The following PITPNA variants were observed in gnomAD, a reference collection of about 807,000 sequenced individuals.
PITPNA encodes the protein phosphatidylinositol transfer protein alpha isoform.
In PITPNA, 13 loss-of-function variants were observed where a neutral mutation model predicts 50.3. The ratio of observed to expected loss-of-function variants is 0.26; its 90% CI spans 0.17 to 0.41. The LOEUF (loss-of-function observed/expected upper bound fraction) is 0.41, where lower values mean the gene tolerates loss of function less well. Ranked by LOEUF, PITPNA falls within the 10% of genes least tolerant of loss-of-function variation. The pLI, the probability that PITPNA is intolerant of heterozygous loss-of-function variation, is 1.00. For missense variants in PITPNA, 207 were observed against 333.4 expected, an observed-to-expected ratio of 0.62 and a Z score of 2.95; for synonymous variants, 120 against 119.6, an observed-to-expected ratio of 1.00 and a Z score of -0.02.
At position 1,524,030 on chromosome 17, in the gene PITPNA, GT is replaced by G. The variant is rs943209134; in HGVS notation, c.769-2386del. On this transcript the variant is annotated intron_variant, in intron 10 of 11. Coordinates refer to ENST00000313486, the MANE Select transcript of PITPNA (RefSeq NM_006224.4). ...TTACTGCAATGCTCTCTAAGCCTCA[GT>G]TTTTTTCTTTTTTCTTTTTTTTTTT... Among the ~76,000 whole-genome samples the G allele has an allele frequency of 3.5e-5, 5 of 141,448 alleles. No individual in the cohort carries two copies. The East Asian group carries it at 1.1e-3, about 30-fold the overall frequency. The allele number at this position is 141,448 out of a possible 152,430, so 92.8% of individuals were successfully genotyped here.
intron 7 of PITPNA, among the ~76,000 whole-genome samples, chr17:1,536,895 T>A (rs2075621099): frequency 1.7e-5 from 1 of 59,082 alleles, no homozygotes; most frequent in South Asian, 3.4e-4. Context: ...GTCCGGCCGA[T>A]TTTTTTTTTT....
At position 1,517,856 on chromosome 17, in the gene PITPNA, C is replaced by G. The variant is rs763570714; in HGVS notation, c.*2705G>C. 37 of 152,498 alleles carry G rather than the reference C, an allele frequency of 2.4e-4. No homozygotes were observed. Among genetic ancestry groups the G allele is most frequent in the Non-Finnish European group, 1.8e-4 (12 of 68,000 alleles). The allele number at this position is 152,498 out of a possible 1,614,324, so 9.4% of individuals were successfully genotyped here. On this transcript the variant is annotated 3_prime_UTR_variant, in exon 12 of 12. Coordinates refer to ENST00000313486, the MANE Select transcript of PITPNA (RefSeq NM_006224.4). ...ACACGGGACTATTATATGCAGAAAT[C>G]CACGTGCAAAAATTTTCAGACACAC...
chr17:1,525,890 T>C (rs2075544841), intron 10 of PITPNA, among the ~76,000 whole-genome samples: 1 of 152,202 alleles, frequency 6.6e-6, no homozygotes, highest in Admixed American at 6.5e-5. Flanking sequence ...GAACATGATA[T>C]ATGACGCAGA....
At chr17:1,552,753 C>T (rs896235678) in intron 3 of PITPNA, among the ~76,000 whole-genome samples, 8 of 152,170 alleles carry the variant, frequency 5.3e-5, no homozygotes, top group African/African-American at 1.4e-4. Context: ...GTGAATCCTA[C>T]ACGGACTTCA....
chr17:1,537,150 G>A (rs571075767), intron 7 of PITPNA, among the ~76,000 whole-genome samples: 2 of 151,002 alleles, frequency 1.3e-5, no homozygotes, highest in Admixed American at 6.6e-5. Context: ...TGCAACCTCC[G>A]CCTCCTGGGT....
At chr17:1,524,822 C>T (rs1248389017) in intron 10 of PITPNA, among the ~76,000 whole-genome samples, 1 of 151,254 alleles carries the variant, frequency 6.6e-6, no homozygotes, top group African/African-American at 2.4e-5. Flanking sequence ...GCACTCCAGC[C>T]TGGGCGACAG....
intron 10 of PITPNA, among the ~76,000 whole-genome samples, chr17:1,524,303 C>G (rs1471130862): frequency 1.3e-5 from 2 of 149,938 alleles, no homozygotes; most frequent in Admixed American, 1.3e-4. Flanking sequence ...CTTGGCCTCC[C>G]AAAGTGCTGG....
At chr17:1,559,608 T>C (rs764219350) in intron 1 of PITPNA, 2 of 180,482 alleles carry the variant, frequency 1.1e-5, no homozygotes, top group African/African-American at 2.4e-5. Flanking sequence ...AGTGAAGCAT[T>C]AGGGAAGCAT....
intron 7 of PITPNA, among the ~76,000 whole-genome samples, chr17:1,538,077 G>A (rs1170474485): frequency 1.3e-5 from 2 of 152,204 alleles, no homozygotes; most frequent in African/African-American, 2.4e-5. Context: ...TGGAACTACA[G>A]GCGTGAGCCA....
At chr17:1,553,394 G>T (rs533195947) in intron 2 of PITPNA, among the ~76,000 whole-genome samples, 1 of 152,160 alleles carries the variant, frequency 6.6e-6, no homozygotes, top group African/African-American at 2.4e-5. Flanking sequence ...ACCCATCAGG[G>T]TTTATTTTTA....
In PITPNA at chr17:1,562,760, G is replaced by C. The variant is rs1367473017; in HGVS notation, c.-200C>G. On this transcript the variant is annotated 5_prime_UTR_variant, in exon 1 of 12. Transcript: ENST00000313486. This position sits in a 1 kb window ranked among gnomAD's most constrained non-coding sequence, Gnocchi z 6.4. ...CGTCGCCTCTCGCGCCGCTGCCGAC[G>C]CCGCCCGGAGCTCCGGTTCCGCAGC... 6.0e-6 allele frequency: 1 copy of C among 166,796 alleles called. No homozygotes were observed. Among genetic ancestry groups the C allele is most frequent in the Admixed American group, 6.5e-5 (1 of 15,356 alleles). The allele number at this position is 166,796 out of a possible 1,614,324, so 10.3% of individuals were successfully genotyped here.
intron 6 of PITPNA, among the ~76,000 whole-genome samples, chr17:1,539,194 C>G (rs186540472): frequency 6.6e-6 from 1 of 152,272 alleles, no homozygotes; most frequent in East Asian, 1.9e-4. Context: ...GATCACAGCA[C>G]ACTCTAGCAT....
intron 3 of PITPNA, among the ~76,000 whole-genome samples, chr17:1,550,841 T>C (rs2075704350): frequency 6.6e-6 from 1 of 152,184 alleles, no homozygotes; most frequent in African/African-American, 2.4e-5. Flanking sequence ...TGACAGACCA[T>C]CCAGACTGAA....
At chr17:1,528,802 C>CAG (rs2075562748) in intron 10 of PITPNA, among the ~76,000 whole-genome samples, 1 of 151,704 alleles carries the variant, frequency 6.6e-6, no homozygotes, top group South Asian at 2.1e-4. Flanking sequence ...GCTGATGTTC[C>CAG]AGATGGTCTG....
At chr17:1,541,192 CAT>C (rs1179840650) in intron 6 of PITPNA, among the ~76,000 whole-genome samples, 4 of 152,322 alleles carry the variant, frequency 2.6e-5, no homozygotes, top group East Asian at 1.9e-4. Context: ...TTATTTCACA[CAT>C]GTGAAAATAA....
At chr17:1,536,961 C>T (rs1248360194) in intron 7 of PITPNA, among the ~76,000 whole-genome samples, 1 of 146,864 alleles carries the variant, frequency 6.8e-6, no homozygotes, top group Non-Finnish European at 1.5e-5. Context: ...TGCAGTGGCA[C>T]AATCTCAGCT....
chr17:1,524,295 T>C (rs377277725), intron 10 of PITPNA, among the ~76,000 whole-genome samples: 94 of 150,752 alleles, frequency 6.2e-4, no homozygotes, highest in Middle Eastern at 3.4e-3. Context: ...CCGCCCGCCT[T>C]GGCCTCCCAA....
intron 10 of PITPNA, among the ~76,000 whole-genome samples, chr17:1,532,632 GA>G (rs1470820077): frequency 6.6e-6 from 1 of 152,190 alleles, no homozygotes; most frequent in Admixed American, 6.5e-5. Flanking sequence ...AAACTCCAAT[GA>G]AAGTCTCCAT....
intron 3 of PITPNA, among the ~76,000 whole-genome samples, chr17:1,550,315 G>A (rs1256341374): frequency 6.6e-6 from 1 of 152,234 alleles, no homozygotes; most frequent in African/African-American, 2.4e-5. Flanking sequence ...GCGGAGTGCT[G>A]TGAGAACACA....
Sources: gnomAD v4.1 joint callset for allele counts (sites outside exome capture counted in the v4.1 genomes callset) on GRCh38, gnomAD v4.1.1 for gene constraint, Gnocchi (gnomAD v3.1) non-coding constraint, MANE v1.5 for transcripts, NCBI Gene and HGNC (gene_info 2026-07-23, HGNC 2026-07-21) for gene names.